The following ITGBL1 variants were observed in gnomAD, a reference collection of about 807,000 sequenced individuals.
The protein encoded by ITGBL1 is integrin beta-like protein 1.
A neutral mutation model predicts 68.5 loss-of-function variants in ITGBL1; 51 were observed. That is an observed-to-expected ratio of 0.74 (90% CI 0.59 to 0.94). The LOEUF is 0.94. ITGBL1 is among the 40% of genes least tolerant of loss of function. The pLI is 0.00. For missense variants in ITGBL1, 649 were observed against 647.4 expected, an observed-to-expected ratio of 1.00 and a Z score of -0.03; for synonymous variants, 209 against 227.3, an observed-to-expected ratio of 0.92 and a Z score of 0.72.
intron 7 of ITGBL1, among the ~76,000 whole-genome samples, chr13:101,641,600 T>C (rs887541285): frequency 1.3e-5 from 2 of 151,158 alleles, no homozygotes; most frequent in Non-Finnish European, 2.9e-5. Flanking sequence ...TTAGGGTACA[T>C]GTGCACAATG....
At chr13:101,645,306 A>G (rs980192098) in intron 7 of ITGBL1, among the ~76,000 whole-genome samples, 1 of 152,116 alleles carries the variant, frequency 6.6e-6, no homozygotes, top group Non-Finnish European at 1.5e-5. Context: ...ACAAAACGAC[A>G]TTGCTTATTC....
rs371890765 is a variant in ITGBL1, at chr13:101,605,044, A to G, written c.1015+6745A>G. Reference sequence around the variant, plus strand: ...TGTATATGTATATATACATATACGCATATATGTGTATATGTGTATATGTGT... The same window carrying G: ...TGTATATGTATATATACATATACGCGTATATGTGTATATGTGTATATGTGT... On this transcript the variant is annotated intron_variant, in intron 7 of 10. Transcript: ENST00000376180. 2.5e-3 allele frequency among the ~76,000 whole-genome samples: 353 copies of G among 138,704 alleles called. 4 individuals carry two copies. Among genetic ancestry groups the G allele is most frequent in the South Asian group, 7.3e-3 (33 of 4,528 alleles). The allele number at this position is 138,704 out of a possible 152,430, so 91.0% of individuals were successfully genotyped here. A position where few individuals can be genotyped will look rare whatever the true frequency, so the allele number is the denominator to read the frequency against.
rs1397406677 is a variant in ITGBL1, at chr13:101,575,464, T to C, written c.504T>C (p.Asp168=). Residue 168 remains aspartate (D), a synonymous_variant, in exon 4 of 11, where the codon GAT becomes GAC. Coordinates refer to ENST00000376180, the MANE Select transcript of ITGBL1 (RefSeq NM_004791.3). The part of the protein sequence containing the change: ...HCGRCKCDNS[D]GSGLVYGKFC... ...GCAGGTGTAAGTGTGATAATTCAGATGGAAGTGGACTTGTGTATGGTAAAT... is the reference window on the plus strand; with the variant it reads ...GCAGGTGTAAGTGTGATAATTCAGACGGAAGTGGACTTGTGTATGGTAAAT... 6.2e-7 allele frequency: 1 copy of C among 1,613,152 alleles called. No individual in the cohort carries two copies. Among genetic ancestry groups the C allele is most frequent in the East Asian group, 2.2e-5 (1 of 44,824 alleles).
chr13:101,686,189 T>A (rs1034513354), intron 7 of ITGBL1, among the ~76,000 whole-genome samples: 2 of 152,030 alleles, frequency 1.3e-5, no homozygotes, highest in African/African-American at 4.8e-5. Context: ...CCTATGTTAC[T>A]CCTCCCGGCA....
At chr13:101,686,270 A>C (rs920647470) in intron 7 of ITGBL1, among the ~76,000 whole-genome samples, 2 of 151,882 alleles carry the variant, frequency 1.3e-5, no homozygotes, top group African/African-American at 4.8e-5. Context: ...CCTCCTCCTT[A>C]TTCTCCTGCT....
At chr13:101,535,089 T>C (rs374835941) in intron 2 of ITGBL1, among the ~76,000 whole-genome samples, 6 of 152,224 alleles carry the variant, frequency 3.9e-5, no homozygotes, top group Admixed American at 3.3e-4. Context: ...GGATTGGCTT[T>C]CCATAATTGA....
chr13:101,610,246 A>G (rs1441607861), intron 7 of ITGBL1, among the ~76,000 whole-genome samples: 1 of 152,166 alleles, frequency 6.6e-6, no homozygotes, highest in Non-Finnish European at 1.5e-5. Context: ...TATGGGAAAC[A>G]ATTTGCTCTG....
intron 2 of ITGBL1, among the ~76,000 whole-genome samples, chr13:101,477,491 G>A (rs757995387): frequency 7.9e-5 from 12 of 151,886 alleles, no homozygotes; most frequent in African/African-American, 2.2e-4. Context: ...GATCATAGCC[G>A]AAATAAATGA....
At chr13:101,590,489 T>G (rs1319498383) in intron 6 of ITGBL1, among the ~76,000 whole-genome samples, 8 of 152,134 alleles carry the variant, frequency 5.3e-5, no homozygotes, top group Non-Finnish European at 1.2e-4. Context: ...CTTGGGCAGT[T>G]AGGGACTTCC....
At chr13:101,497,147 C>T (rs145051690) in intron 2 of ITGBL1, among the ~76,000 whole-genome samples, 12 of 152,284 alleles carry the variant, frequency 7.9e-5, no homozygotes, top group Non-Finnish European at 1.5e-4. Flanking sequence ...AATTGTGGCC[C>T]TTTACTTTAG....
chr13:101,665,000 C>G (rs1348995124), intron 7 of ITGBL1, among the ~76,000 whole-genome samples: 1 of 152,202 alleles, frequency 6.6e-6, no homozygotes, highest in Non-Finnish European at 1.5e-5. Flanking sequence ...TCCCAAAGTG[C>G]TGAGATTACA....
intron 6 of ITGBL1, among the ~76,000 whole-genome samples, chr13:101,589,762 G>A (rs1409567543): frequency 6.6e-6 from 1 of 152,194 alleles, no homozygotes; most frequent in Non-Finnish European, 1.5e-5. Flanking sequence ...GCCAAAGTAA[G>A]GACACATATA....
intron 2 of ITGBL1, among the ~76,000 whole-genome samples, chr13:101,481,093 TAC>T (rs1555353315): frequency 1.3e-5 from 2 of 150,736 alleles, no homozygotes; most frequent in Non-Finnish European, 3.0e-5. Context: ...CACATATATA[TAC>T]ACACACGTGC....
At chr13:101,641,684 G>A (rs925077031) in intron 7 of ITGBL1, among the ~76,000 whole-genome samples, 2 of 149,978 alleles carry the variant, frequency 1.3e-5, no homozygotes, top group Non-Finnish European at 3.0e-5. Flanking sequence ...TTAACATTCG[G>A]TATATCTCCT....
chr13:101,636,592 T>C (rs965495548), intron 7 of ITGBL1, among the ~76,000 whole-genome samples: 9 of 152,174 alleles, frequency 5.9e-5, no homozygotes, highest in Admixed American at 4.6e-4. Flanking sequence ...AACCTTCTTA[T>C]TGACTTTCGT....
chr13:101,718,648 T>C (rs2034811811), downstream of ITGBL1: 1 of 152,088 alleles, frequency 6.6e-6, no homozygotes, highest in South Asian at 2.1e-4. Context: ...AGAGCCATTA[T>C]ACCCGTTGTC....
chr13:101,611,335 A>T (rs2031117682), intron 7 of ITGBL1, among the ~76,000 whole-genome samples: 1 of 152,200 alleles, frequency 6.6e-6, no homozygotes. Flanking sequence ...GAACAAGACA[A>T]ATACTTTAAC....
At chr13:101,694,460 G>A (rs891084735) in intron 8 of ITGBL1, among the ~76,000 whole-genome samples, 4 of 151,600 alleles carry the variant, frequency 2.6e-5, no homozygotes, top group African/African-American at 9.7e-5. Context: ...GTCTCACTCT[G>A]TCACCCAGGC....
chr13:101,572,588 G>A (rs915107447), intron 3 of ITGBL1, among the ~76,000 whole-genome samples: 1 of 152,140 alleles, frequency 6.6e-6, no homozygotes, highest in Non-Finnish European at 1.5e-5. Flanking sequence ...GAAGCTGTGT[G>A]TGTCATAGCA....
Sources: allele counts gnomAD v4.1 joint callset (sites outside exome capture counted in the v4.1 genomes callset), GRCh38; gene constraint gnomAD v4.1.1; transcripts MANE v1.5; gene names NCBI Gene and HGNC (gene_info 2026-07-23, HGNC 2026-07-21).